CMSS1: variants seen among roughly 807,000 people sequenced by gnomAD.
The protein encoded by CMSS1 is cms1 ribosomal small subunit homolog.
A neutral mutation model predicts 43.5 loss-of-function variants in CMSS1; 33 were observed. The ratio of observed to expected loss-of-function variants is 0.76; its 90% confidence interval spans 0.57 to 1.01. CMSS1 has a LOEUF of 1.01. Ranked by LOEUF, CMSS1 falls within the 50% of genes least tolerant of loss-of-function variation. The pLI, the probability that CMSS1 is intolerant of heterozygous loss-of-function variation, is 0.00. For synonymous variants in CMSS1, 115 were observed against 117.2 expected (o/e 0.98, Z 0.12); for missense variants, 313 against 326.4 (o/e 0.96, Z 0.32).
chr3:100,049,452 T>C (rs944872638), intron 1 of CMSS1, among the ~76,000 whole-genome samples: 1 of 152,216 alleles, frequency 6.6e-6, no homozygotes, highest in African/African-American at 2.4e-5. Flanking sequence ...GTCATATTTT[T>C]AAGAGGGAGT....
intron 1 of CMSS1, chr3:99,849,357 C>G (rs1324802434): frequency 6.2e-7 from 1 of 1,613,992 alleles, no homozygotes; most frequent in Non-Finnish European, 8.5e-7. Context: ...AATGCCGGTA[C>G]CTCTCTAACT....
chr3:100,039,333 G>A (rs1445841991), intron 1 of CMSS1, among the ~76,000 whole-genome samples: 2 of 152,126 alleles, frequency 1.3e-5, no homozygotes, highest in Non-Finnish European at 2.9e-5. Flanking sequence ...GTACAGCCAA[G>A]ACTCACCTGC....
Position 100,074,675 on chromosome 3 carries a change from A to ATTTTT in CMSS1, c.65-72266_65-72262dup, listed in dbSNP as rs555819875. The stretch of plus-strand genomic sequence containing the variant: ...ATTTTCTATGCATGTGCAACATTTG[A>ATTTTT]TTTTTTTTTTTTTTTTTTTTTTTTT... On this transcript the variant is annotated intron_variant, in intron 1 of 9. Coordinates refer to ENST00000421999, the MANE Select transcript of CMSS1 (RefSeq NM_032359.4). Among the ~76,000 whole-genome samples, 3 of 34,802 alleles carry ATTTTT rather than the reference A, an allele frequency of 8.6e-5. 1 individual carries two copies. Among genetic ancestry groups the ATTTTT allele is most frequent in the African/African-American group, 1.2e-4 (1 of 8,456 alleles). 22.8% of individuals were successfully genotyped at this position (34,802 alleles called of 152,430 possible).
chr3:100,144,748 G>T (rs2066833903), intron 1 of CMSS1, among the ~76,000 whole-genome samples: 1 of 152,232 alleles, frequency 6.6e-6, no homozygotes, highest in African/African-American at 2.4e-5. Flanking sequence ...AAAGAGAGCA[G>T]ACTTTTGTTG....
At chr3:99,833,922 T>C (rs1559649102) in intron 1 of CMSS1, among the ~76,000 whole-genome samples, 1 of 152,358 alleles carries the variant, frequency 6.6e-6, no homozygotes, top group East Asian at 1.9e-4. Context: ...CAGTGTTTAA[T>C]GGGAAAGTAT....
At chr3:99,867,280 T>C (rs915611642) in intron 1 of CMSS1, among the ~76,000 whole-genome samples, 1 of 152,188 alleles carries the variant, frequency 6.6e-6, no homozygotes, top group African/African-American at 2.4e-5. Context: ...ATGTTCTGTT[T>C]GTGGCAGTTA....
At chr3:99,957,610 C>T (rs1414549558) in intron 1 of CMSS1, among the ~76,000 whole-genome samples, 1 of 150,518 alleles carries the variant, frequency 6.6e-6, no homozygotes, top group Admixed American at 6.6e-5. Flanking sequence ...CTATGAACCT[C>T]TGCAGAGTAG....
At chr3:100,113,029 C>CT (rs2066516180) in intron 1 of CMSS1, among the ~76,000 whole-genome samples, 2 of 152,272 alleles carry the variant, frequency 1.3e-5, no homozygotes, top group South Asian at 4.1e-4. Context: ...CCATGTTCTC[C>CT]TTTATGCATA....
At chr3:100,171,507 A>G (rs946653548) in intron 6 of CMSS1, among the ~76,000 whole-genome samples, 4 of 152,176 alleles carry the variant, frequency 2.6e-5, no homozygotes, top group African/African-American at 9.7e-5. Flanking sequence ...TAGTTGGAAG[A>G]TGAATTTTCT....
At chr3:100,014,874 C>CTTTTTTTTTTTTTT (rs200759774) in intron 1 of CMSS1, among the ~76,000 whole-genome samples, 5 of 28,208 alleles carry the variant, frequency 1.8e-4, no homozygotes, top group Non-Finnish European at 2.8e-4. Context: ...TTTTTCTTTT[C>CTTTTTTTTTTTTTT]TTTTTTTTTT....
chr3:99,842,317 C>T (rs1042459629), intron 1 of CMSS1, among the ~76,000 whole-genome samples: 1 of 152,132 alleles, frequency 6.6e-6, no homozygotes, highest in African/African-American at 2.4e-5. Flanking sequence ...ATACAGTGCA[C>T]TCTGGGGACT....
At chr3:99,995,959 G>A (rs969612284) in intron 1 of CMSS1, among the ~76,000 whole-genome samples, 10 of 152,214 alleles carry the variant, frequency 6.6e-5, no homozygotes, top group Non-Finnish European at 1.5e-4. Flanking sequence ...ACATGCCCTG[G>A]AGACATTTTC....
chr3:100,055,191 T>C (rs1054447437), intron 1 of CMSS1, among the ~76,000 whole-genome samples: 23 of 152,202 alleles, frequency 1.5e-4, no homozygotes, highest in African/African-American at 3.9e-4. Context: ...CCTACTCTTA[T>C]CAATTTCTTC....
intron 1 of CMSS1, among the ~76,000 whole-genome samples, chr3:100,043,673 T>C (rs2065239800): frequency 6.6e-6 from 1 of 152,198 alleles, no homozygotes; most frequent in African/African-American, 2.4e-5. Context: ...TTTTTAAAAC[T>C]TTTTTTACAA....
At chr3:99,922,010 T>C (rs1489732860) in intron 1 of CMSS1, among the ~76,000 whole-genome samples, 2 of 152,204 alleles carry the variant, frequency 1.3e-5, no homozygotes, top group African/African-American at 2.4e-5. Context: ...ATAGTAGAGA[T>C]ACACAGTGAA....
At chr3:99,823,095 T>C (rs1267665869) in intron 1 of CMSS1, among the ~76,000 whole-genome samples, 2 of 152,256 alleles carry the variant, frequency 1.3e-5, no homozygotes, top group Non-Finnish European at 2.9e-5. Flanking sequence ...TAATCTGTTA[T>C]CGGCTTAAAG....
chr3:99,848,260 GA>G, intron 1 of CMSS1: 1 of 1,609,378 alleles, frequency 6.2e-7, no homozygotes, highest in South Asian at 1.1e-5. Flanking sequence ...TGGACTGGAT[GA>G]GGGTGAGCGT....
chr3:100,138,508 C>T (rs558714808), intron 1 of CMSS1, among the ~76,000 whole-genome samples: 17 of 152,010 alleles, frequency 1.1e-4, no homozygotes, highest in African/African-American at 4.1e-4. Flanking sequence ...AAAAAACAAC[C>T]CCATCAAAAA....
At position 99,983,439 on chromosome 3, in the gene CMSS1, T is replaced by C. The variant is rs1433225396; in HGVS notation, c.65-163534T>C. On this transcript the variant is annotated intron_variant, in intron 1 of 9. Coordinates refer to ENST00000421999, the MANE Select transcript of CMSS1 (RefSeq NM_032359.4). ...ATATATGTATGTATGTATGTATATA[T>C]ATGTATGTATATATATATATGTGTG... 1.3e-4 allele frequency among the ~76,000 whole-genome samples: 5 copies of C among 37,750 alleles called. 1 individual carries two copies. The highest frequency in any genetic ancestry group is 4.9e-4 in the African/African-American group (5 of 10,198). 24.8% of individuals were successfully genotyped at this position (37,750 alleles called of 152,430 possible).
Sources: allele counts gnomAD v4.1 joint callset (sites outside exome capture counted in the v4.1 genomes callset), GRCh38; gene constraint gnomAD v4.1.1; transcripts MANE v1.5; gene names NCBI Gene and HGNC (gene_info 2026-07-23, HGNC 2026-07-21).